The following ACAP2 variants were observed in gnomAD, a reference collection of about 807,000 sequenced individuals.
ACAP2 encodes the protein ArfGAP with coiled-coil, ankyrin repeat and PH domains 2, also known as arf-GAP with coiled-coil, ANK repeat and PH domain-containing protein 2.
ACAP2 carries 39 observed loss-of-function variants against 115.8 expected under a neutral mutation model. The ratio of observed to expected loss-of-function variants is 0.34; its 90% CI spans 0.26 to 0.44. The LOEUF (loss-of-function observed/expected upper bound fraction) is 0.44, where lower values mean the gene tolerates loss of function less well. ACAP2 is among the 20% of genes least tolerant of loss of function. The pLI is 1.00. For synonymous variants in ACAP2, 289 were observed against 315.8 expected (o/e 0.92, Z 0.90); for missense variants, 662 against 927.6 (o/e 0.71, Z 3.72).
intron 6 of ACAP2, among the ~76,000 whole-genome samples, chr3:195,340,787 A>G (rs185395871): frequency 6.6e-6 from 1 of 152,314 alleles, no homozygotes; most frequent in East Asian, 1.9e-4. Flanking sequence ...GTGTGGGTAC[A>G]CTACAGCAGA....
intron 1 of ACAP2, chr3:195,442,158 G>C (rs1716048202): frequency 6.6e-6 from 1 of 152,564 alleles, no homozygotes; most frequent in African/African-American, 2.4e-5. Flanking sequence ...ACCAACTAGG[G>C]TCCACGGAAT....
intron 1 of ACAP2, among the ~76,000 whole-genome samples, chr3:195,441,360 C>T (rs1445874889): frequency 6.6e-6 from 1 of 152,166 alleles, no homozygotes; most frequent in Non-Finnish European, 1.5e-5. Context: ...CTCTTGAGTC[C>T]TTCAATAATG....
At chr3:195,316,390 GTTTATTTA>G (rs201136594) in intron 10 of ACAP2, among the ~76,000 whole-genome samples, 2 of 151,566 alleles carry the variant, frequency 1.3e-5, no homozygotes, top group Admixed American at 6.6e-5. Context: ...CTATTCTTAT[GTTTATTTA>G]TTTATTTATT....
At chr3:195,296,919 T>G (rs984952427) in intron 16 of ACAP2, among the ~76,000 whole-genome samples, 2 of 152,146 alleles carry the variant, frequency 1.3e-5, no homozygotes, top group African/African-American at 4.8e-5. Context: ...AGAACTTTGG[T>G]CTACTTTAAC....
chr3:195,439,688 A>G (rs1242976204), intron 1 of ACAP2, among the ~76,000 whole-genome samples: 1 of 151,750 alleles, frequency 6.6e-6, no homozygotes, highest in Non-Finnish European at 1.5e-5. Flanking sequence ...GTACAGTGGC[A>G]CAACCTCAGC....
chr3:195,288,383 G>T (rs950138535), intron 21 of ACAP2, among the ~76,000 whole-genome samples: 1 of 152,138 alleles, frequency 6.6e-6, no homozygotes, highest in Non-Finnish European at 1.5e-5. Flanking sequence ...TGTGCTTAGA[G>T]AAGTACATGG....
chr3:195,285,159 C>T (rs1374859738), intron 22 of ACAP2, among the ~76,000 whole-genome samples: 1 of 152,190 alleles, frequency 6.6e-6, no homozygotes, highest in Non-Finnish European at 1.5e-5. Flanking sequence ...AAAATGAGAC[C>T]TTTGCCCTCA....
At chr3:195,372,967 G>C (rs1374601447) in intron 4 of ACAP2, among the ~76,000 whole-genome samples, 1 of 104,962 alleles carries the variant, frequency 9.5e-6, no homozygotes, top group African/African-American at 4.1e-5. Flanking sequence ...CAGCCTGGGC[G>C]ACAGAGCGAG....
intron 1 of ACAP2, among the ~76,000 whole-genome samples, chr3:195,424,515 T>G (rs917487839): frequency 2.0e-5 from 3 of 151,024 alleles, no homozygotes; most frequent in African/African-American, 7.3e-5. Flanking sequence ...GCCAGTCTGG[T>G]CTTGAACTCC....
chr3:195,345,302 T>A lies in ACAP2; in HGVS notation c.301A>T (p.Thr101Ser). Residue 101 changes from threonine (T) to serine (S), a missense_variant, in exon 5 of 23, where the codon ACT (threonine) becomes TCT (serine). Thr to Ser is a moderately conservative substitution (Grantham distance 58, BLOSUM62 1). Coordinates refer to ENST00000326793, the MANE Select transcript of ACAP2 (RefSeq NM_012287.6). ...INFHTILFDQTQRSIKAQLQN... is the reference protein window; with the variant it reads ...INFHTILFDQSQRSIKAQLQN... ...AGCTGTGCCTTAATTGATCTCTGAG[T>A]TTGGTCAAACAGGATCTAAAAAATA... 1 of 1,609,918 alleles carries A rather than the reference T, an allele frequency of 6.2e-7. No homozygotes were observed.
intron 1 of ACAP2, among the ~76,000 whole-genome samples, chr3:195,412,473 G>A (rs891409489): frequency 2.6e-5 from 4 of 151,906 alleles, no homozygotes; most frequent in East Asian, 1.9e-4. Context: ...TCGGCTGGGC[G>A]TGGTGGCAGG....
At chr3:195,325,874 AATCT>A (rs1482002391) in intron 9 of ACAP2, among the ~76,000 whole-genome samples, 2 of 152,218 alleles carry the variant, frequency 1.3e-5, no homozygotes, top group East Asian at 3.8e-4. Flanking sequence ...AACAAAAGTT[AATCT>A]AACTGTAAAC....
At chr3:195,283,653 G>A (rs186813848) in intron 22 of ACAP2, among the ~76,000 whole-genome samples, 4 of 152,242 alleles carry the variant, frequency 2.6e-5, no homozygotes, top group Admixed American at 1.3e-4. Flanking sequence ...AACAGAAACC[G>A]AAGAGCAATT....
intron 9 of ACAP2, chr3:195,325,414 ATTTTTTTTT>A (rs746254101): frequency 8.1e-5 from 26 of 321,548 alleles, no homozygotes; most frequent in Admixed American, 1.4e-4. Context: ...TAGTGGACTG[ATTTTTTTTT>A]TTTTTTTTTT....
chr3:195,440,025 A>G (rs915904969), intron 1 of ACAP2, among the ~76,000 whole-genome samples: 1 of 152,164 alleles, frequency 6.6e-6, no homozygotes, highest in Non-Finnish European at 1.5e-5. Flanking sequence ...TAAGGGCCCA[A>G]ACAAATTCCA....
rs538950489 is a variant in ACAP2 at position 195,332,133 on chromosome 3, C to CAA, written c.669+893_669+894dup. Among the ~76,000 whole-genome samples, 584 of 59,344 alleles carry CAA rather than the reference C, an allele frequency of 9.8e-3. 4 individuals carry two copies. Among genetic ancestry groups the CAA allele is most frequent in the African/African-American group, 0.032 (509 of 15,792 alleles). 38.9% of individuals were successfully genotyped at this position (59,344 alleles called of 152,430 possible). A position where few individuals can be genotyped will look rare whatever the true frequency, so the allele number is the denominator to read the frequency against. On this transcript the variant is annotated intron_variant, in intron 8 of 22. Coordinates refer to ENST00000326793, the MANE Select transcript of ACAP2 (RefSeq NM_012287.6). ...TGGGTGACAGAGCAAGACTCCACCT[C>CAA]AAAAAAAAAAAAAAAAAATACTATT...
intron 8 of ACAP2, among the ~76,000 whole-genome samples, chr3:195,329,091 AAAAG>A (rs1164697245): frequency 2.0e-5 from 3 of 151,818 alleles, no homozygotes; most frequent in Non-Finnish European, 4.4e-5. Context: ...AAAAAAAAAA[AAAAG>A]AAAGAAAGAA....
chr3:195,302,296 C>T, intron 13 of ACAP2, 122 bp from the exon 14 acceptor site: 1 of 835,594 alleles, frequency 1.2e-6, no homozygotes, highest in Non-Finnish European at 1.9e-6. Flanking sequence ...CAGGCATAAG[C>T]AAGGCAATAG....
chr3:195,324,304 C>G (rs1294249452), intron 9 of ACAP2, among the ~76,000 whole-genome samples: 1 of 152,054 alleles, frequency 6.6e-6, no homozygotes, highest in Non-Finnish European at 1.5e-5. Context: ...CTGAAATGGG[C>G]CTCACATATA....
Sources: allele counts gnomAD v4.1 joint callset (sites outside exome capture counted in the v4.1 genomes callset), GRCh38; gene constraint gnomAD v4.1.1; transcripts MANE v1.5; gene names NCBI Gene and HGNC (gene_info 2026-07-23, HGNC 2026-07-21).